HYCC1: variants seen among roughly 807,000 people sequenced by gnomAD.
HYCC1 encodes hyccin.
the HYCC1 span, among the ~76,000 whole-genome samples, chr7:22,956,215 A>G: frequency 6.6e-6 from 1 of 151,836 alleles, no homozygotes; most frequent in Non-Finnish European, 1.5e-5. Context: ...TTGAAAAAAT[A>G]CACCTTTGCC....
the HYCC1 span, chr7:22,984,043 TG>T: frequency 6.4e-7 from 1 of 1,554,438 alleles, no homozygotes. Context: ...TTTCTGGTAA[TG>T]TCTAAACAAA....
At chr7:22,971,657 C>T in the HYCC1 span, among the ~76,000 whole-genome samples, 644 of 110,666 alleles carry the variant, frequency 5.8e-3, 4 homozygotes, top group Middle Eastern at 0.03. Context: ...GCCTGGGCAA[C>T]AGAGCAAGAC....
At chr7:23,013,020 T>TA in the HYCC1 span, among the ~76,000 whole-genome samples, 5 of 152,254 alleles carry the variant, frequency 3.3e-5, no homozygotes, top group South Asian at 1.0e-3. Flanking sequence ...AGGCTTGTGA[T>TA]AGTGTATTTC....
the HYCC1 span, among the ~76,000 whole-genome samples, chr7:22,960,764 T>A: frequency 6.6e-6 from 1 of 152,184 alleles, no homozygotes; most frequent in Non-Finnish European, 1.5e-5. Context: ...AAAATTTTTA[T>A]TTTGGCCAGG....
the HYCC1 span, chr7:22,978,543 T>C: frequency 3.8e-6 from 4 of 1,043,648 alleles, no homozygotes; most frequent in East Asian, 7.7e-5. Context: ...TTGGTAAAAA[T>C]CATATCTTTT....
At chr7:22,985,481 A>AT in the HYCC1 span, 37 of 152,318 alleles carry the variant, frequency 2.4e-4, 1 homozygote, top group African/African-American at 8.9e-4. Context: ...AAAGTGGGTC[A>AT]TATTTCACCT....
the HYCC1 span, chr7:22,943,222 T>C: frequency 6.6e-6 from 1 of 152,180 alleles, no homozygotes; most frequent in Non-Finnish European, 1.5e-5. Context: ...TCAATATTAT[T>C]AAACTAATTA....
chr7:22,941,248 T>C, the HYCC1 span: 41 of 152,260 alleles, frequency 2.7e-4, no homozygotes, highest in African/African-American at 9.9e-4. Context: ...AGTAAACTGA[T>C]CTGGAAAAAA....
the HYCC1 span, among the ~76,000 whole-genome samples, chr7:23,002,177 C>A: frequency 6.0e-5 from 4 of 66,960 alleles, no homozygotes; most frequent in Non-Finnish European, 1.4e-4. Flanking sequence ...TATATATATA[C>A]ATATAGTTTG....
chr7:22,958,505 A>ATCTT, the HYCC1 span, among the ~76,000 whole-genome samples: 8 of 152,130 alleles, frequency 5.3e-5, no homozygotes, highest in Non-Finnish European at 1.2e-4. Flanking sequence ...AGGTGATAAG[A>ATCTT]ATGCTACTTT....
chr7:22,905,208 CT>C, the HYCC1 span, among the ~76,000 whole-genome samples: 151 of 151,850 alleles, frequency 9.9e-4, no homozygotes, highest in African/African-American at 3.5e-3. Context: ...TTTCTTTTTT[CT>C]TTTTTTCTTT....
At chr7:22,971,909 G>T in the HYCC1 span, among the ~76,000 whole-genome samples, 1 of 152,270 alleles carries the variant, frequency 6.6e-6, no homozygotes, top group East Asian at 1.9e-4. Context: ...TTGGAGGAAA[G>T]ATTATTTCAG....
At chr7:22,938,941 A>G in the HYCC1 span, 1 of 152,126 alleles carries the variant, frequency 6.6e-6, no homozygotes, top group African/African-American at 2.4e-5. Flanking sequence ...TTGAGAAACA[A>G]TGCTCTCCTC....
the HYCC1 span, among the ~76,000 whole-genome samples, chr7:22,982,110 T>C: frequency 6.6e-6 from 1 of 152,196 alleles, no homozygotes; most frequent in African/African-American, 2.4e-5. Context: ...CAACATTTGT[T>C]AAAAAACATA....
chr7:23,013,912 C>A, the HYCC1 span: 1 of 468,408 alleles, frequency 2.1e-6, no homozygotes, highest in East Asian at 7.0e-5. Context: ...GTGGGTCTCT[C>A]GGCTGGACTC....
chr7:22,955,773 G>A, the HYCC1 span, among the ~76,000 whole-genome samples: 1 of 151,612 alleles, frequency 6.6e-6, no homozygotes, highest in Non-Finnish European at 1.5e-5. Context: ...CTAGAATACT[G>A]GAGTGGTAGA....
the HYCC1 span, among the ~76,000 whole-genome samples, chr7:22,925,441 T>A: frequency 5.9e-5 from 9 of 151,886 alleles, no homozygotes; most frequent in Non-Finnish European, 8.8e-5. Flanking sequence ...TGAAAAAAAA[T>A]TAGACAAATG....
At chr7:23,013,875 C>T in the HYCC1 span, 1 of 455,894 alleles carries the variant, frequency 2.2e-6, no homozygotes, top group South Asian at 1.6e-5. Context: ...AAAAGTTATC[C>T]GTTGCCGGAC....
At chr7:22,945,722 G>C in the HYCC1 span, 3 of 1,613,612 alleles carry the variant, frequency 1.9e-6, no homozygotes, top group South Asian at 1.1e-5. Flanking sequence ...AAACCTATTG[G>C]CATCTGTCCC....
Sources: gnomAD v4.1 joint callset for allele counts (sites outside exome capture counted in the v4.1 genomes callset) on GRCh38, gnomAD v4.1.1 for gene constraint, MANE v1.5 for transcripts, NCBI Gene and HGNC (gene_info 2026-07-23, HGNC 2026-07-21) for gene names.